The following CCDC134 variants were observed in gnomAD, a reference collection of about 807,000 sequenced individuals.
CCDC134 encodes coiled-coil domain containing 134, also known as coiled-coil domain-containing protein 134.
CCDC134 carries 27 observed loss-of-function variants against 25.6 expected under a neutral mutation model. The observed-to-expected ratio is 1.05, with a 90% CI of 0.78 to 1.45. CCDC134 has a LOEUF of 1.45. Ranked by LOEUF, CCDC134 falls within the 40% of genes most tolerant of loss-of-function variation. The probability of loss-of-function intolerance (pLI) is 0.00; values close to 1 mark genes in which losing one functional copy is unlikely to be tolerated. For missense variants in CCDC134, 261 were observed against 286.7 expected, an observed-to-expected ratio of 0.91 and a Z score of 0.65; for synonymous variants, 110 against 115.0, an observed-to-expected ratio of 0.96 and a Z score of 0.28.
chr22:41,831,969 C>T lies in CCDC134; in HGVS notation c.*6146C>T, dbSNP rs1000126741. On this transcript the variant is annotated 3_prime_UTR_variant, in exon 7 of 7. Coordinates refer to ENST00000255784, the MANE Select transcript of CCDC134 (RefSeq NM_024821.5). Reference sequence around the variant, plus strand: ...CATTTTAGAGATGACTAAACTGAGGCTTAGAACAATTAACCCAAGGTCACA... The same window carrying T: ...CATTTTAGAGATGACTAAACTGAGGTTTAGAACAATTAACCCAAGGTCACA... 1 of 152,180 alleles carries T rather than the reference C, an allele frequency of 6.6e-6. No homozygotes were observed. Among genetic ancestry groups the T allele is most frequent in the Non-Finnish European group, 1.5e-5 (1 of 68,028 alleles). 9.4% of individuals were successfully genotyped at this position (152,180 alleles called of 1,614,324 possible).
intron 6 of CCDC134, among the ~76,000 whole-genome samples, chr22:41,815,328 C>A (rs935135619): frequency 6.6e-6 from 1 of 151,516 alleles, no homozygotes; most frequent in African/African-American, 2.4e-5. Flanking sequence ...GCCTCAGCCT[C>A]CCCAGTAGCT....
intron 1 of CCDC134, among the ~76,000 whole-genome samples, chr22:41,801,679 C>A (rs1284324346): frequency 6.6e-6 from 1 of 152,058 alleles, no homozygotes; most frequent in African/African-American, 2.4e-5. Context: ...AACTCTTATC[C>A]CTACTAGAGA....
chr22:41,828,788 C>T lies in CCDC134; in HGVS notation c.*2965C>T, dbSNP rs1252639052. ...ACCACTGTGGGAGTCGTGCTGGTGG[C>T]GGTAGTGGTCACAGGTACCAGGGGC... On this transcript the variant is annotated 3_prime_UTR_variant, in exon 7 of 7. Coordinates refer to ENST00000255784, the MANE Select transcript of CCDC134 (RefSeq NM_024821.5). 4.6e-5 allele frequency among the ~76,000 whole-genome samples: 7 copies of T among 152,114 alleles called. No homozygotes were observed. Among genetic ancestry groups the T allele is most frequent in the African/African-American group, 4.8e-5 (2 of 41,416 alleles).
intron 6 of CCDC134, among the ~76,000 whole-genome samples, chr22:41,815,320 C>T (rs1256234769): frequency 6.6e-6 from 1 of 151,728 alleles, no homozygotes; most frequent in Non-Finnish European, 1.5e-5. Flanking sequence ...ATTCTCCTGC[C>T]TCAGCCTCCC....
At chr22:41,819,974 T>TATATATAC (rs1328833314) in intron 6 of CCDC134, among the ~76,000 whole-genome samples, 17 of 113,278 alleles carry the variant, frequency 1.5e-4, no homozygotes, top group Non-Finnish European at 2.5e-4. Flanking sequence ...TATATATATA[T>TATATATAC]ATATATATAT....
At position 41,810,037 on chromosome 22, in the gene CCDC134, G is replaced by A. The variant is rs746647431; in HGVS notation, c.225+37G>A. ...CAGGGGGCAGCTCATGGCAGGTCCA[G>A]TCTTTGATCTAGGCACTGATGGGTA... On this transcript the variant is annotated intron_variant, in intron 3 of 6. Transcript: ENST00000255784. The A allele has an allele frequency of 1.7e-5, 28 of 1,612,132 alleles. 1 individual carries two copies. The highest frequency in any genetic ancestry group is 1.7e-4 in the Middle Eastern group (1 of 5,814).
chr22:41,802,751 A>G (rs1229888173), intron 1 of CCDC134, among the ~76,000 whole-genome samples: 1 of 151,844 alleles, frequency 6.6e-6, no homozygotes, highest in Non-Finnish European at 1.5e-5. Context: ...CATCTCAACT[A>G]AAAATACAAA....
In CCDC134 at chr22:41,813,262, A is replaced by G. The variant is rs745769958; in HGVS notation, c.311-2A>G. 6.2e-7 allele frequency: 1 copy of G among 1,614,158 alleles called. No homozygotes were observed. Among genetic ancestry groups the G allele is most frequent in the Admixed American group, 1.7e-5 (1 of 60,024 alleles). On this transcript the variant is annotated splice_acceptor_variant, in intron 4 of 6. Coordinates refer to ENST00000255784, the MANE Select transcript of CCDC134 (RefSeq NM_024821.5). LOFTEE classifies it high-confidence loss of function. ...GGCCACTCATCAGGGTCCTCTCGCCAGCTTTCTCCCACGTGGTGGAGAACA... is the reference window on the plus strand; with the variant it reads ...GGCCACTCATCAGGGTCCTCTCGCCGGCTTTCTCCCACGTGGTGGAGAACA...
chr22:41,812,480 T>TTTATG (rs61414588), intron 4 of CCDC134, among the ~76,000 whole-genome samples: 7 of 150,790 alleles, frequency 4.6e-5, no homozygotes, highest in Non-Finnish European at 1.0e-4. Context: ...GTGAATGAAT[T>TTTATG]TTATGTTATG....
chr22:41,815,773 T>G (rs930525337), intron 6 of CCDC134, among the ~76,000 whole-genome samples: 1 of 152,004 alleles, frequency 6.6e-6, no homozygotes, highest in Non-Finnish European at 1.5e-5. Flanking sequence ...GCCTCCTGAG[T>G]AGCTGGGACG....
In CCDC134 at chr22:41,810,017, G is replaced by A. The variant is rs562943083; in HGVS notation, c.225+17G>A. On this transcript the variant is annotated intron_variant, in intron 3 of 6. Transcript: ENST00000255784. ...CTCTTTAAGGTGTGTGCAGGCAGGG[G>A]GCAGCTCATGGCAGGTCCAGTCTTT... 1.2e-6 allele frequency: 2 copies of A among 1,613,524 alleles called. No homozygotes were observed. Among genetic ancestry groups the A allele is most frequent in the East Asian group, 4.5e-5 (2 of 44,866 alleles).
At chr22:41,814,358 G>T (rs1020301034) in intron 6 of CCDC134, among the ~76,000 whole-genome samples, 7 of 152,162 alleles carry the variant, frequency 4.6e-5, no homozygotes, top group African/African-American at 1.7e-4. Flanking sequence ...CTGAGGTCAG[G>T]AGTTCGAGAC....
At position 41,825,689 on chromosome 22, in the gene CCDC134, T is replaced by A; in HGVS notation, c.565-9T>A. 1 of 1,613,832 alleles carries A rather than the reference T, an allele frequency of 6.2e-7. No individual in the cohort carries two copies. Among genetic ancestry groups the A allele is most frequent in the Non-Finnish European group, 8.5e-7 (1 of 1,179,832 alleles). On this transcript the variant is annotated splice_polypyrimidine_tract_variant and intron_variant, in intron 6 of 6. Coordinates refer to ENST00000255784, the MANE Select transcript of CCDC134 (RefSeq NM_024821.5). This position sits in a 1 kb window ranked among gnomAD's most constrained non-coding sequence, Gnocchi z 4.4. The stretch of plus-strand genomic sequence containing the variant: ...AGACTAAATCAGACTGCTCTTCTCT[T>A]CCCTTCAGTTCATTCCCAGCACTGA...
chr22:41,809,484 T>C (rs1374697410), intron 2 of CCDC134, among the ~76,000 whole-genome samples: 1 of 152,124 alleles, frequency 6.6e-6, no homozygotes, highest in African/African-American at 2.4e-5. Flanking sequence ...CACTGTGTGA[T>C]GGTTTTTGAG....
chr22:41,804,472 G>A (rs1399722473), intron 1 of CCDC134, among the ~76,000 whole-genome samples: 2 of 152,188 alleles, frequency 1.3e-5, no homozygotes, highest in Non-Finnish European at 2.9e-5. Flanking sequence ...CAAAAACAAT[G>A]CACAGGGCTG....
chr22:41,824,995 G>A (rs2076669384), intron 6 of CCDC134, among the ~76,000 whole-genome samples: 1 of 152,100 alleles, frequency 6.6e-6, no homozygotes, highest in Non-Finnish European at 1.5e-5. Context: ...GGAATGCCGG[G>A]TGCAGGTGGG....
chr22:41,806,939 C>G (rs2076570380), intron 1 of CCDC134, among the ~76,000 whole-genome samples: 1 of 151,950 alleles, frequency 6.6e-6, no homozygotes, highest in South Asian at 2.1e-4. Flanking sequence ...CCCAGCTACT[C>G]GGGAGGCTGA....
intron 1 of CCDC134, among the ~76,000 whole-genome samples, chr22:41,808,109 G>A (rs9611671): frequency 0.17 from 25,143 of 151,500 alleles, 3,029 homozygotes; most frequent in Admixed American, 0.36. Context: ...GCAGTGAGCC[G>A]AGATTGCGCC....
chr22:41,813,299 G>A lies in CCDC134; in HGVS notation c.346G>A (p.Gly116Ser), dbSNP rs112564251. The change falls in exon 5 of 7, where the codon GGC (glycine) becomes AGC (serine). Residue 116 changes from glycine (G) to serine (S), a missense_variant. Gly to Ser is a moderately conservative substitution (Grantham distance 56). Coordinates refer to ENST00000255784, the MANE Select transcript of CCDC134 (RefSeq NM_024821.5). The stretch of plus-strand genomic sequence containing the variant: ...CGTGGTGGAGAACACGGCCTTCTTC[G>A]GCGATGTGGTGCTGCGCTTCCCGAG... ...SHVVENTAFF[G>S]DVVLRFPRIV... 5.0e-6 allele frequency: 8 copies of A among 1,614,004 alleles called. No homozygotes were observed. In the Admixed American group the frequency reaches 5.0e-5, roughly 10 times the overall value.
Sources: gnomAD v4.1 joint callset for allele counts (sites outside exome capture counted in the v4.1 genomes callset) on GRCh38, gnomAD v4.1.1 for gene constraint, Gnocchi (gnomAD v3.1) non-coding constraint, MANE v1.5 for transcripts, NCBI Gene and HGNC (gene_info 2026-07-23, HGNC 2026-07-21) for gene names.